DPP10: variants seen among roughly 807,000 people sequenced by gnomAD.
The protein encoded by DPP10 is dipeptidyl peptidase like 10, also known as inactive dipeptidyl peptidase 10.
Under a neutral mutation model 120.9 loss-of-function variants are expected in DPP10, and 33 were observed. The ratio of observed to expected loss-of-function variants is 0.27; its 90% CI spans 0.21 to 0.37. DPP10 has a LOEUF of 0.37. Among genes scored for constraint, DPP10 ranks in the 10% least tolerant of loss-of-function variants. The pLI is 1.00. For missense variants in DPP10, 816 were observed against 942.8 expected (o/e 0.87, Z 1.76); for synonymous variants, 337 against 326.1 (o/e 1.03, Z -0.36).
At chr2:115,209,940 CA>C (rs2056395670) in intron 1 of DPP10, among the ~76,000 whole-genome samples, 1 of 152,104 alleles carries the variant, frequency 6.6e-6, no homozygotes. Flanking sequence ...TAATACCAAG[CA>C]CTTTGAGGTG....
chr2:114,732,430 C>A (rs1436215767), intron 1 of DPP10, among the ~76,000 whole-genome samples: 1 of 152,108 alleles, frequency 6.6e-6, no homozygotes, highest in East Asian at 1.9e-4. Flanking sequence ...CTTTTACAGA[C>A]CAAATGAGTT....
intron 1 of DPP10, among the ~76,000 whole-genome samples, chr2:114,587,124 C>G (rs1382622212): frequency 1.3e-5 from 2 of 151,920 alleles, no homozygotes; most frequent in East Asian, 3.9e-4. Flanking sequence ...GGAGAAACCC[C>G]ATCTCTACTA....
At chr2:114,707,028 G>A (rs1700726736) in intron 1 of DPP10, 1 of 152,114 alleles carries the variant, frequency 6.6e-6, no homozygotes, top group African/African-American at 2.4e-5. Flanking sequence ...TCAGGTACAA[G>A]AGGCATCCTG....
intron 12 of DPP10, among the ~76,000 whole-genome samples, chr2:115,765,074 A>G (rs1376860020): frequency 1.3e-5 from 2 of 152,110 alleles, no homozygotes; most frequent in Non-Finnish European, 2.9e-5. Context: ...GAAACTGAGC[A>G]GTGAGATTGG....
intron 1 of DPP10, among the ~76,000 whole-genome samples, chr2:115,305,032 A>G (rs962433246): frequency 9.2e-5 from 14 of 152,076 alleles, no homozygotes; most frequent in Non-Finnish European, 1.9e-4. Flanking sequence ...ACAATGTTTA[A>G]TATGATCTGA....
intron 17 of DPP10, among the ~76,000 whole-genome samples, chr2:115,787,987 C>T (rs1683529917): frequency 2.6e-5 from 4 of 152,072 alleles, no homozygotes; most frequent in Middle Eastern, 6.8e-3. Flanking sequence ...AAAAACAAAC[C>T]TAGAAGATAT....
At chr2:114,864,388 C>A (rs1318231316) in intron 1 of DPP10, among the ~76,000 whole-genome samples, 1 of 152,052 alleles carries the variant, frequency 6.6e-6, no homozygotes, top group African/African-American at 2.4e-5. Context: ...TGAATGGAGA[C>A]AACAATATTA....
chr2:115,404,530 C>T (rs2068364385), intron 3 of DPP10, among the ~76,000 whole-genome samples: 1 of 152,044 alleles, frequency 6.6e-6, no homozygotes, highest in Admixed American at 6.5e-5. Flanking sequence ...ATGCCATGTT[C>T]ATGGATTAGA....
intron 3 of DPP10, among the ~76,000 whole-genome samples, chr2:115,486,945 A>G (rs1279246621): frequency 1.3e-5 from 2 of 152,148 alleles, no homozygotes; most frequent in African/African-American, 2.4e-5. Flanking sequence ...TTCCACAAGA[A>G]TTAATAATGA....
At chr2:115,733,195 A>G (rs752609295) in intron 8 of DPP10, among the ~76,000 whole-genome samples, 1 of 152,200 alleles carries the variant, frequency 6.6e-6, no homozygotes, top group Non-Finnish European at 1.5e-5. Context: ...TTGAAATAAA[A>G]CAGGGCAAAA....
intron 1 of DPP10, among the ~76,000 whole-genome samples, chr2:115,245,244 T>A (rs141746608): frequency 1.3e-5 from 2 of 152,128 alleles, no homozygotes; most frequent in Non-Finnish European, 2.9e-5. Context: ...TATTCATTGG[T>A]GAATGGGCAT....
At chr2:115,653,194 T>C (rs942576466) in intron 5 of DPP10, among the ~76,000 whole-genome samples, 3 of 151,862 alleles carry the variant, frequency 2.0e-5, no homozygotes, top group Non-Finnish European at 4.4e-5. Flanking sequence ...AGCATTAAAA[T>C]GAGAAGACAA....
At chr2:115,208,787 T>C (rs17044185) in intron 1 of DPP10, among the ~76,000 whole-genome samples, 10,612 of 152,140 alleles carry the variant, frequency 0.07, 398 homozygotes, top group Middle Eastern at 0.1. Context: ...AAAATGGCTT[T>C]CTGGACATGA....
chr2:115,225,977 T>G (rs2105451274), intron 1 of DPP10, among the ~76,000 whole-genome samples: 1 of 152,256 alleles, frequency 6.6e-6, no homozygotes, highest in East Asian at 1.9e-4. Context: ...ACTAGCAGTA[T>G]CATTTCCATC....
intron 1 of DPP10, among the ~76,000 whole-genome samples, chr2:114,631,518 T>G (rs1173244358): frequency 6.6e-6 from 1 of 152,190 alleles, no homozygotes; most frequent in Non-Finnish European, 1.5e-5. Context: ...GTTAATGATC[T>G]GAGAGTACTT....
At chr2:115,162,867 C>T (rs1239351947) in intron 1 of DPP10, among the ~76,000 whole-genome samples, 1 of 152,022 alleles carries the variant, frequency 6.6e-6, no homozygotes, top group African/African-American at 2.4e-5. Flanking sequence ...ACTTCGGTGT[C>T]GCTCTTTTTC....
chr2:114,712,887 A>G (rs1347213969), intron 1 of DPP10, among the ~76,000 whole-genome samples: 1 of 152,166 alleles, frequency 6.6e-6, no homozygotes, highest in Admixed American at 6.5e-5. Flanking sequence ...ATATTATTTC[A>G]AAGTCTACAT....
In DPP10 at chr2:115,746,233, A is replaced by G. The variant is rs201995910; in HGVS notation, c.950+50A>G. ...ATGGGGAAATAGATATTTTCACTCC[A>G]ATTATCATTTTGTTGCAATTTAGAG... On this transcript the variant is annotated intron_variant, in intron 10 of 25. Transcript: ENST00000410059. 181 of 1,460,986 alleles carry G rather than the reference A, an allele frequency of 1.2e-4. 1 individual carries two copies. The East Asian group carries it at 4.0e-3, about 33-fold the overall frequency. The allele number at this position is 1,460,986 out of a possible 1,614,324, so 90.5% of individuals were successfully genotyped here.
At chr2:114,950,684 A>C (rs991486888) in intron 1 of DPP10, among the ~76,000 whole-genome samples, 1 of 151,968 alleles carries the variant, frequency 6.6e-6, no homozygotes, top group Non-Finnish European at 1.5e-5. Context: ...CTTGTTATTT[A>C]GGTTTTAAAG....
Sources: gnomAD v4.1 joint callset for allele counts (sites outside exome capture counted in the v4.1 genomes callset) on GRCh38, gnomAD v4.1.1 for gene constraint, MANE v1.5 for transcripts, NCBI Gene and HGNC (gene_info 2026-07-23, HGNC 2026-07-21) for gene names.